ACTN1: variants seen among roughly 807,000 people sequenced by gnomAD.
ACTN1 encodes the protein alpha-actinin-1.
Under a neutral mutation model 119.6 loss-of-function variants are expected in ACTN1, and 30 were observed. The ratio of observed to expected loss-of-function variants is 0.25; its 90% CI spans 0.19 to 0.34. The LOEUF is 0.34. Ranked by LOEUF, ACTN1 falls within the 10% of genes least tolerant of loss-of-function variation. The pLI is 1.00. For synonymous variants in ACTN1, 429 were observed against 472.6 expected, an observed-to-expected ratio of 0.91 and a Z score of 1.20; for missense variants, 764 against 1,223.4, an observed-to-expected ratio of 0.62 and a Z score of 5.60.
chr14:68,893,442 C>A (rs1036370106), intron 9 of ACTN1, among the ~76,000 whole-genome samples: 8 of 152,184 alleles, frequency 5.3e-5, no homozygotes, highest in African/African-American at 1.9e-4. Flanking sequence ...AAAGGGATAT[C>A]CTAGGCTCAT....
At chr14:68,881,234 C>CA (rs2031479183) in intron 16 of ACTN1, 2 of 416,828 alleles carry the variant, frequency 4.8e-6, no homozygotes, top group African/African-American at 4.0e-5. Context: ...TACCAACTCT[C>CA]GGGTACCTGT....
chr14:68,930,025 GCTCTCACAGA>G (rs1227940696), intron 1 of ACTN1, among the ~76,000 whole-genome samples: 5 of 152,236 alleles, frequency 3.3e-5, no homozygotes, highest in Admixed American at 1.3e-4. Context: ...TCATAGCCTT[GCTCTCACAGA>G]CTCCGCTAAC....
At chr14:68,946,640 T>G (rs1373980880) in intron 1 of ACTN1, among the ~76,000 whole-genome samples, 2 of 152,182 alleles carry the variant, frequency 1.3e-5, no homozygotes, top group Non-Finnish European at 2.9e-5. Context: ...CCAGTGGTTC[T>G]AAGAAGCCCA....
intron 8 of ACTN1, among the ~76,000 whole-genome samples, chr14:68,901,196 T>G (rs1448763056): frequency 1.3e-5 from 2 of 148,304 alleles, no homozygotes; most frequent in African/African-American, 2.5e-5. Context: ...GCATTTTTTT[T>G]TTGTTTTATG....
At chr14:68,908,889 G>A (rs1004818807) in intron 6 of ACTN1, among the ~76,000 whole-genome samples, 2 of 152,234 alleles carry the variant, frequency 1.3e-5, no homozygotes, top group African/African-American at 2.4e-5. Flanking sequence ...CAAATCCATG[G>A]GTGGGATAAG....
chr14:68,881,955 T>TTTTTTTTTTTTTTTTTTTTTTTTTTTTGA lies in ACTN1; in HGVS notation c.1953+502_1953+503insTCAAAAAAAAAAAAAAAAAAAAAAAAAAA, dbSNP rs58500225. On this transcript the variant is annotated intron_variant, in intron 16 of 21. Coordinates refer to ENST00000394419, the MANE Select transcript of ACTN1 (RefSeq NM_001130004.2). ...CAGCTTCTTTTTTTTTTTTTTTTTT[T>TTTTTTTTTTTTTTTTTTTTTTTTTTTTGA]GACAGAGTCTTGCTCTGTTGCCCAA... is the stretch of plus-strand genomic sequence containing the variant. 7.0e-4 allele frequency among the ~76,000 whole-genome samples: 72 copies of TTTTTTTTTTTTTTTTTTTTTTTTTTTTGA among 102,966 alleles called. 17 individuals carry two copies. Among genetic ancestry groups the TTTTTTTTTTTTTTTTTTTTTTTTTTTTGA allele is most frequent in the African/African-American group, 1.5e-3 (34 of 22,906 alleles). The allele number at this position is 102,966 out of a possible 152,430, so 67.5% of individuals were successfully genotyped here.
At position 68,885,591 on chromosome 14, in the gene ACTN1, G is replaced by C. The variant is rs374036938; in HGVS notation, c.1235-16C>G. On this transcript the variant is annotated splice_polypyrimidine_tract_variant and intron_variant, in intron 11 of 21. Coordinates refer to ENST00000394419, the MANE Select transcript of ACTN1 (RefSeq NM_001130004.2). This position sits in a 1 kb window ranked among gnomAD's most constrained non-coding sequence, Gnocchi z 5.6. ...GCCTCTTTGCCTGGGTTGAGAGAGG[G>C]CCACATGGCTGAGCTGGAGTGAGAA... 6.2e-6 allele frequency: 10 copies of C among 1,610,422 alleles called. No homozygotes were observed. The African/African-American group carries it at 1.1e-4, about 17-fold the overall frequency.
rs923822019 is a variant in ACTN1, at chr14:68,882,701, A to C, written c.1819-109T>G. On this transcript the variant is annotated intron_variant, in intron 15 of 21. Coordinates refer to ENST00000394419, the MANE Select transcript of ACTN1 (RefSeq NM_001130004.2). The surrounding 1 kb of genome is among the most constrained non-coding windows in gnomAD (Gnocchi z 4.5). ...GGGAAGGGCCGGTCAGTAACAGAACAGGAGTAAAGGTGTCAACCTGTTCTG... is the reference window on the plus strand; with the variant it reads ...GGGAAGGGCCGGTCAGTAACAGAACCGGAGTAAAGGTGTCAACCTGTTCTG... 10 of 1,540,972 alleles carry C rather than the reference A, an allele frequency of 6.5e-6. No homozygotes were observed. Among genetic ancestry groups the C allele is most frequent in the Non-Finnish European group, 8.8e-6 (10 of 1,132,934 alleles).
At chr14:68,954,117 C>G (rs2036269548) in intron 1 of ACTN1, among the ~76,000 whole-genome samples, 1 of 152,116 alleles carries the variant, frequency 6.6e-6, no homozygotes, top group Non-Finnish European at 1.5e-5. Context: ...TAATGTATTA[C>G]TCTTTAGTGT....
intron 1 of ACTN1, among the ~76,000 whole-genome samples, chr14:68,939,458 A>G (rs1470840439): frequency 1.3e-5 from 2 of 152,190 alleles, no homozygotes; most frequent in African/African-American, 4.8e-5. Context: ...AATAAAATAA[A>G]GATAAAATGA....
chr14:68,898,991 CCA>C (rs532627119), intron 8 of ACTN1, among the ~76,000 whole-genome samples: 33 of 149,082 alleles, frequency 2.2e-4, no homozygotes, highest in Non-Finnish European at 4.2e-4. Flanking sequence ...ACACCTCACA[CCA>C]CACACACCCT....
chr14:68,979,130 G>C lies in ACTN1; in HGVS notation c.-74C>G. On this transcript the variant is annotated 5_prime_UTR_variant, in exon 1 of 22. Transcript: ENST00000394419. ...TGAGCAACGGCTGCTGCCCTGGCGT[G>C]GGGAGGGAGTAGGGCTGGGCTGGGC... is the stretch of plus-strand genomic sequence containing the variant. The C allele has an allele frequency of 3.5e-6, 4 of 1,127,024 alleles. No homozygotes were observed. Among genetic ancestry groups the C allele is most frequent in the Non-Finnish European group, 5.2e-6 (4 of 765,308 alleles). 69.8% of individuals were successfully genotyped at this position (1,127,024 alleles called of 1,614,324 possible). A position where few individuals can be genotyped will look rare whatever the true frequency, so the allele number is the denominator to read the frequency against.
At chr14:68,930,192 C>A (rs74620697) in intron 1 of ACTN1, among the ~76,000 whole-genome samples, 24 of 152,332 alleles carry the variant, frequency 1.6e-4, no homozygotes, top group African/African-American at 5.8e-4. Flanking sequence ...CAACAGGCCT[C>A]TTTGAGCCTC....
chr14:68,975,805 C>T (rs1014640324), intron 1 of ACTN1, among the ~76,000 whole-genome samples: 9 of 152,146 alleles, frequency 5.9e-5, no homozygotes, highest in Admixed American at 5.2e-4. Flanking sequence ...AACTCCGTAC[C>T]GAAGCATTCT....
intron 14 of ACTN1, 41 bp from the exon 15 acceptor site, chr14:68,883,096 G>A (rs1420771917): frequency 6.2e-7 from 1 of 1,602,822 alleles, no homozygotes; most frequent in Non-Finnish European, 8.5e-7. Flanking sequence ...GGAACAAAGG[G>A]AGCGCTAGAA....
rs575047753 is a variant in ACTN1, at chr14:68,887,899, C to T, written c.1234+2240G>A. On this transcript the variant is annotated intron_variant, in intron 11 of 21. Transcript: ENST00000394419. ...TAGTTTCTTAGTTAGCCACTTCGGCCTGTTTTCCCTTTGCTCCCTTTTTCC... is the reference window on the plus strand; with the variant it reads ...TAGTTTCTTAGTTAGCCACTTCGGCTTGTTTTCCCTTTGCTCCCTTTTTCC... 650 of 888,228 alleles carry T rather than the reference C, an allele frequency of 7.3e-4. 2 individuals are homozygous for T. Among genetic ancestry groups the T allele is most frequent in the Non-Finnish European group, 1.0e-3 (522 of 524,184 alleles). 55.0% of individuals were successfully genotyped at this position (888,228 alleles called of 1,614,324 possible).
intron 1 of ACTN1, among the ~76,000 whole-genome samples, chr14:68,943,962 G>A (rs936520454): frequency 1.3e-5 from 2 of 152,158 alleles, no homozygotes; most frequent in African/African-American, 2.4e-5. Flanking sequence ...ATCCAGCTCT[G>A]CCCACCAGCC....
intron 7 of ACTN1, 138 bp from the exon 8 acceptor site, chr14:68,902,700 G>A (rs554236042): frequency 2.3e-5 from 16 of 683,600 alleles, no homozygotes; most frequent in African/African-American, 5.5e-5. Context: ...AGCCTCTGGC[G>A]TCAACTTGCG....
At chr14:68,965,189 C>G (rs1424529968) in intron 1 of ACTN1, among the ~76,000 whole-genome samples, 1 of 152,242 alleles carries the variant, frequency 6.6e-6, no homozygotes, top group Non-Finnish European at 1.5e-5. Flanking sequence ...TTGGACAAAT[C>G]AGATCACCAC....
Sources: gnomAD v4.1 joint callset for allele counts (sites outside exome capture counted in the v4.1 genomes callset) on GRCh38, gnomAD v4.1.1 for gene constraint, Gnocchi (gnomAD v3.1) non-coding constraint, MANE v1.5 for transcripts, NCBI Gene and HGNC (gene_info 2026-07-23, HGNC 2026-07-21) for gene names.